LRMDA: variants seen among roughly 807,000 people sequenced by gnomAD.
The protein encoded by LRMDA is leucine rich melanocyte differentiation associated.
In LRMDA, 18 loss-of-function variants were observed where a neutral mutation model predicts 29.8. The observed-to-expected ratio is 0.60, with a 90% CI of 0.42 to 0.90. The LOEUF (loss-of-function observed/expected upper bound fraction) is 0.90. LRMDA is among the 40% of genes least tolerant of loss of function. The pLI is 0.00. For missense variants in LRMDA, 273 were observed against 273.9 expected (o/e 1.00, Z 0.02); for synonymous variants, 125 against 109.4 (o/e 1.14, Z -0.89).
At chr10:75,529,747 A>G (rs759247136) in intron 2 of LRMDA, among the ~76,000 whole-genome samples, 29 of 152,242 alleles carry the variant, frequency 1.9e-4, no homozygotes, top group Admixed American at 3.3e-4. Context: ...AACGTGTAGG[A>G]AAGAATTAGT....
chr10:75,619,058 A>C (rs995920119), intron 2 of LRMDA, among the ~76,000 whole-genome samples: 1 of 152,034 alleles, frequency 6.6e-6, no homozygotes, highest in Non-Finnish European at 1.5e-5. Context: ...CGGCCTCCCA[A>C]AGTGCTGGGA....
chr10:76,103,600 A>G (rs913500509), intron 5 of LRMDA, among the ~76,000 whole-genome samples: 1 of 152,358 alleles, frequency 6.6e-6, no homozygotes, highest in South Asian at 2.1e-4. Context: ...TAGTTGTGGT[A>G]GGTAATGTAT....
At chr10:75,820,428 G>A (rs1844137841) in intron 2 of LRMDA, among the ~76,000 whole-genome samples, 2 of 152,190 alleles carry the variant, frequency 1.3e-5, no homozygotes, top group Non-Finnish European at 2.9e-5. Context: ...ATGAAATTAA[G>A]TGGAAAAAAA....
intron 2 of LRMDA, among the ~76,000 whole-genome samples, chr10:76,021,464 TACCTACAG>T (rs1168523283): frequency 4.6e-5 from 7 of 152,322 alleles, no homozygotes; most frequent in Admixed American, 6.5e-5. Flanking sequence ...GGCTCATTCT[TACCTACAG>T]ACAACCCATG....
chr10:75,725,461 G>A (rs1446844774), intron 2 of LRMDA, among the ~76,000 whole-genome samples: 1 of 152,182 alleles, frequency 6.6e-6, no homozygotes, highest in African/African-American at 2.4e-5. Flanking sequence ...GAATCAATCT[G>A]TTTCTGGTAA....
At chr10:76,128,536 C>T (rs1320847821) in intron 5 of LRMDA, among the ~76,000 whole-genome samples, 3 of 152,188 alleles carry the variant, frequency 2.0e-5, no homozygotes, top group African/African-American at 4.8e-5. Flanking sequence ...AGTGGTAGCT[C>T]AGTGAGTGAG....
At chr10:76,188,862 A>G (rs74150535) in intron 5 of LRMDA, among the ~76,000 whole-genome samples, 9,125 of 151,796 alleles carry the variant, frequency 0.06, 872 homozygotes, top group African/African-American at 0.2. Context: ...GGTTCCCAAA[A>G]TTTCTCAGTT....
intron 2 of LRMDA, among the ~76,000 whole-genome samples, chr10:75,929,313 GTAAATGAA>G (rs1846172480): frequency 6.6e-6 from 1 of 152,130 alleles, no homozygotes; most frequent in Admixed American, 6.5e-5. Flanking sequence ...GTGTGTGTGT[GTAAATGAA>G]TGCGTTTGTG....
intron 2 of LRMDA, among the ~76,000 whole-genome samples, chr10:75,730,854 A>G (rs1268113264): frequency 2.0e-5 from 3 of 152,166 alleles, no homozygotes; most frequent in Non-Finnish European, 4.4e-5. Flanking sequence ...TTAAATATAT[A>G]GGAAACTTGA....
chr10:75,708,418 A>G (rs1842395469), intron 2 of LRMDA, among the ~76,000 whole-genome samples: 1 of 152,210 alleles, frequency 6.6e-6, no homozygotes, highest in Non-Finnish European at 1.5e-5. Flanking sequence ...TTATTTCAAC[A>G]CACTCCACCA....
At chr10:75,532,955 CT>C (rs1236381872) in intron 2 of LRMDA, among the ~76,000 whole-genome samples, 1 of 152,156 alleles carries the variant, frequency 6.6e-6, no homozygotes, top group African/African-American at 2.4e-5. Context: ...GGGGCTCACT[CT>C]CTCGTGGGAG....
At chr10:76,296,630 T>C (rs1474898835) in intron 5 of LRMDA, among the ~76,000 whole-genome samples, 1 of 152,242 alleles carries the variant, frequency 6.6e-6, no homozygotes, top group Admixed American at 6.5e-5. Context: ...AATGGAAATT[T>C]AATAAAGTTT....
At chr10:75,654,361 TA>T (rs1240991085) in intron 2 of LRMDA, among the ~76,000 whole-genome samples, 2 of 152,216 alleles carry the variant, frequency 1.3e-5, no homozygotes, top group African/African-American at 4.8e-5. Flanking sequence ...TCAGTTTATA[TA>T]AGTTGAATGG....
chr10:75,691,223 C>T (rs1233221511), intron 2 of LRMDA, among the ~76,000 whole-genome samples: 1 of 136,792 alleles, frequency 7.3e-6, no homozygotes, highest in Admixed American at 7.3e-5. Context: ...TATATATACA[C>T]ATATATGTGT....
chr10:76,094,375 T>A (rs1437882050), intron 5 of LRMDA, among the ~76,000 whole-genome samples: 3 of 152,342 alleles, frequency 2.0e-5, no homozygotes, highest in East Asian at 1.9e-4. Context: ...TTTCCGTATA[T>A]GTGAAAGATA....
intron 1 of LRMDA, among the ~76,000 whole-genome samples, chr10:75,436,471 ATT>A (rs879370739): frequency 4.2e-5 from 6 of 143,702 alleles, no homozygotes; most frequent in African/African-American, 5.1e-5. Flanking sequence ...AAGCTGCTGA[ATT>A]TTTTTTTTTT....
At chr10:76,337,767 G>C in intron 6 of LRMDA, among the ~76,000 whole-genome samples, 1 of 152,052 alleles carries the variant, frequency 6.6e-6, no homozygotes, top group East Asian at 1.9e-4. Flanking sequence ...CCACCAAGAG[G>C]GTGTGAGGGA....
At position 76,526,455 on chromosome 10, in the gene LRMDA, C is replaced by T. The variant is rs183510655; in HGVS notation, c.602-30754C>T. Among the ~76,000 whole-genome samples the T allele has an allele frequency of 8.5e-5, 13 of 152,190 alleles. No individual in the cohort carries two copies. In the East Asian group the frequency reaches 2.1e-3, roughly 25 times the overall value. ...GGATGTCTTTCCCTTATGAGGCATT[C>T]GCTTTTCATTTGTGGATAGACAGCT... On this transcript the variant is annotated intron_variant, in intron 6 of 6. Transcript: ENST00000611255.
At chr10:75,809,469 C>T (rs574393552) in intron 2 of LRMDA, among the ~76,000 whole-genome samples, 1 of 152,086 alleles carries the variant, frequency 6.6e-6, no homozygotes, top group Non-Finnish European at 1.5e-5. Flanking sequence ...ATAGTGAAAC[C>T]CTGTCTCTAC....
Sources: allele counts gnomAD v4.1 joint callset (sites outside exome capture counted in the v4.1 genomes callset), GRCh38; gene constraint gnomAD v4.1.1; transcripts MANE v1.5; gene names NCBI Gene and HGNC (gene_info 2026-07-23, HGNC 2026-07-21).